ZNF709: variants seen among roughly 807,000 people sequenced by gnomAD.
ZNF709 encodes zinc finger protein 709.
In ZNF709, 15 loss-of-function variants were observed where a neutral mutation model predicts 10.6. The observed-to-expected ratio is 1.41, with a 90% CI of 0.95 to 2.18. The LOEUF (loss-of-function observed/expected upper bound fraction) is 2.18. Among genes scored for constraint, ZNF709 ranks in the 30% most tolerant of loss-of-function variants. The pLI is 0.00. For missense variants in ZNF709, 589 were observed against 774.0 expected (o/e 0.76, Z 2.84); for synonymous variants, 194 against 238.8 (o/e 0.81, Z 1.73).
At chr19:12,470,966 G>C (rs1970630241) in intron 1 of ZNF709, among the ~76,000 whole-genome samples, 1 of 151,240 alleles carries the variant, frequency 6.6e-6, no homozygotes, top group South Asian at 2.1e-4. Flanking sequence ...TGCCTAAATG[G>C]TTTATGGAAT....
chr19:12,475,900 G>C (rs1436375463), intron 1 of ZNF709, among the ~76,000 whole-genome samples: 1 of 152,116 alleles, frequency 6.6e-6, no homozygotes, highest in Non-Finnish European at 1.5e-5. Context: ...ACTCACATTA[G>C]TATAGTATAG....
At chr19:12,482,138 TACACACACACACACACAA>T (rs950726793) in intron 1 of ZNF709, among the ~76,000 whole-genome samples, 16 of 43,052 alleles carry the variant, frequency 3.7e-4, no homozygotes, top group South Asian at 1.2e-3. Context: ...ACCTCTAAAA[TACACACACACACACACAA>T]ACACACACAC....
intron 3 of ZNF709, among the ~76,000 whole-genome samples, chr19:12,465,938 TTTC>T (rs920449846): frequency 4.3e-5 from 6 of 139,620 alleles, no homozygotes; most frequent in Non-Finnish European, 1.6e-5. Context: ...ATAGAGTTTA[TTTC>T]TTTTTTTTTT....
intron 3 of ZNF709, among the ~76,000 whole-genome samples, chr19:12,466,127 G>A (rs1970568858): frequency 6.6e-6 from 1 of 151,988 alleles, no homozygotes; most frequent in African/African-American, 2.4e-5. Flanking sequence ...TTTTAGTAGA[G>A]GCAGGGTTTT....
At chr19:12,484,629 C>G (rs1568250550) in intron 1 of ZNF709, 26 bp downstream of exon 1, 1 of 1,613,926 alleles carries the variant, frequency 6.2e-7, no homozygotes, top group African/African-American at 1.3e-5. Flanking sequence ...TCTCCCATCT[C>G]AAGACCCCCA....
Position 12,464,686 on chromosome 19 carries a change from T to G in ZNF709, c.1236A>C (p.Arg412Ser). 1 of 1,609,486 alleles carries G rather than the reference T, an allele frequency of 6.2e-7. No homozygotes were observed. ...CATGGGGTTTCTCTCCAGTGTGAGT[T>G]CTTTCATGCATTCGAAAGGAACTGG... ...SCSSSFRMHE[R>S]THTGEKPHEC... The change falls in exon 4 of 4, where the codon AGA becomes AGC. Residue 412 changes from arginine (R) to serine (S), a missense_variant. This residue lies in a region of ZNF709 where 418 missense variants were observed against 496.3 expected (regional missense o/e 0.84). Coordinates refer to ENST00000397732, the MANE Select transcript of ZNF709 (RefSeq NM_152601.4).
chr19:12,477,442 G>A (rs1256920227), intron 1 of ZNF709, among the ~76,000 whole-genome samples: 1 of 152,088 alleles, frequency 6.6e-6, no homozygotes, highest in Non-Finnish European at 1.5e-5. Context: ...TGTTCATTCT[G>A]GCGTATTTTA....
chr19:12,465,581 T>A lies in ZNF709; in HGVS notation c.341A>T (p.His114Leu), dbSNP rs1379802739. The A allele has an allele frequency of 6.2e-7, 1 of 1,613,848 alleles. No individual in the cohort carries two copies. Among genetic ancestry groups the A allele is most frequent in the Non-Finnish European group, 8.5e-7 (1 of 1,179,996 alleles). ...CSVCGKDYMC[H>L]SSLNRHMRSH... ...TCTCATGTGCCTATTAAGAGATGAA[T>A]GACACATATAGTCCTTTCCACACAC... is the stretch of plus-strand genomic sequence containing the variant. The change falls in exon 4 of 4, where the codon CAT becomes CTT. Residue 114 changes from histidine (H) to leucine (L), a missense_variant. Around this residue, in one of 2 missense-constraint regions of ZNF709, gnomAD observed 418 missense variants for 496.3 expected, o/e 0.84. Transcript: ENST00000397732.
chr19:12,466,997 T>A, intron 1 of ZNF709, 147 bp from the exon 2 acceptor site: 1 of 1,221,290 alleles, frequency 8.2e-7, no homozygotes, highest in South Asian at 1.6e-5. Flanking sequence ...CACACTTACT[T>A]CTTCATAAAT....
At position 12,484,722 on chromosome 19, in the gene ZNF709, T is replaced by A. The variant is rs1970764201; in HGVS notation, c.-65A>T. Reference sequence around the variant, plus strand: ...TCCCGCGGCCAGCACAGGTCCTACCTCCACCTGAGGCCCTTCCTCCACCTG... The same window carrying A: ...TCCCGCGGCCAGCACAGGTCCTACCACCACCTGAGGCCCTTCCTCCACCTG... On this transcript the variant is annotated 5_prime_UTR_variant, in exon 1 of 4. Transcript: ENST00000397732. 6.2e-7 allele frequency: 1 copy of A among 1,610,710 alleles called. No homozygotes were observed. The highest frequency in any genetic ancestry group is 1.7e-5 in the Admixed American group (1 of 59,946).
chr19:12,470,685 TG>T (rs1970627523), intron 1 of ZNF709, among the ~76,000 whole-genome samples: 1 of 152,082 alleles, frequency 6.6e-6, no homozygotes, highest in African/African-American at 2.4e-5. Context: ...CCCAGCACTT[TG>T]GGAGGCTGAG....
Position 12,466,963 on chromosome 19 carries a change from G to C in ZNF709, c.4-113C>G, listed in dbSNP as rs57734323. The C allele has an allele frequency of 2.4e-3, 3,357 of 1,419,838 alleles. 82 individuals carry two copies. In the African/African-American group the frequency reaches 0.043, roughly 18 times the overall value. The allele number at this position is 1,419,838 out of a possible 1,614,324, so 88.0% of individuals were successfully genotyped here. On this transcript the variant is annotated intron_variant, in intron 1 of 3. Coordinates refer to ENST00000397732, the MANE Select transcript of ZNF709 (RefSeq NM_152601.4). ...TTTTCTCCATTTATCCTGTAACTTT[G>C]TCATCAGAACTCAAATCTTCGTCCA...
chr19:12,467,757 C>T (rs1264910908), intron 1 of ZNF709, among the ~76,000 whole-genome samples: 2 of 151,838 alleles, frequency 1.3e-5, no homozygotes, highest in Admixed American at 1.3e-4. Context: ...CCCGCCGCCC[C>T]GTCTGGGATG....
intron 1 of ZNF709, among the ~76,000 whole-genome samples, chr19:12,483,602 T>C (rs959343104): frequency 2.0e-5 from 3 of 151,936 alleles, no homozygotes; most frequent in African/African-American, 7.3e-5. Flanking sequence ...AGTGGCGCAA[T>C]CTCATCTCAA....
intron 1 of ZNF709, among the ~76,000 whole-genome samples, chr19:12,471,840 T>C (rs1970636765): frequency 1.3e-5 from 2 of 152,204 alleles, no homozygotes; most frequent in Admixed American, 1.3e-4. Flanking sequence ...ATTAAAACTG[T>C]TTCAAAAGTC....
chr19:12,465,191 C>A lies in ZNF709; in HGVS notation c.731G>T (p.Arg244Ile), dbSNP rs762103376. 7.4e-6 allele frequency: 12 copies of A among 1,613,970 alleles called. No individual in the cohort carries two copies. The highest frequency in any genetic ancestry group is 1.1e-5 in the South Asian group (1 of 91,070). Reference sequence around the variant, plus strand: ...ATAGGGTTTCTCTCCAGAGTGAGTTCTTTCATGATTTCGAAAAGAACTGGG... The same window carrying A: ...ATAGGGTTTCTCTCCAGAGTGAGTTATTTCATGATTTCGAAAAGAACTGGG... ...SHPSSFRNHE[R>I]THSGEKPYEC... The change falls in exon 4 of 4, where the codon AGA (arginine) becomes ATA (isoleucine). Residue 244 changes from arginine (R) to isoleucine (I), a missense_variant. Coordinates refer to ENST00000397732, the MANE Select transcript of ZNF709 (RefSeq NM_152601.4).
intron 1 of ZNF709, among the ~76,000 whole-genome samples, chr19:12,474,531 G>T (rs1970661267): frequency 6.6e-6 from 1 of 152,184 alleles, no homozygotes; most frequent in African/African-American, 2.4e-5. Context: ...AATTCCTTTA[G>T]ATAAATATGG....
intron 1 of ZNF709, among the ~76,000 whole-genome samples, chr19:12,482,156 A>AAC (rs34621481): frequency 0.041 from 5,304 of 128,312 alleles, 212 homozygotes; most frequent in African/African-American, 0.11. Flanking sequence ...CACACACACA[A>AAC]ACACACACAC....
intron 1 of ZNF709, among the ~76,000 whole-genome samples, chr19:12,483,801 G>T (rs1970752664): frequency 6.6e-6 from 1 of 152,178 alleles, no homozygotes; most frequent in African/African-American, 2.4e-5. Context: ...AATCAATTAA[G>T]TGAGTAAATC....
Sources: gnomAD v4.1 joint callset for allele counts (sites outside exome capture counted in the v4.1 genomes callset) on GRCh38, gnomAD v4.1.1 for gene constraint, gnomAD v4.1.1 regional missense constraint, MANE v1.5 for transcripts, NCBI Gene and HGNC (gene_info 2026-07-23, HGNC 2026-07-21) for gene names.